CHN1: variants seen among roughly 807,000 people sequenced by gnomAD.
CHN1 encodes N-chimaerin.
CHN1 carries 37 observed loss-of-function variants against 59.5 expected under a neutral mutation model. The observed-to-expected ratio is 0.62, with a 90% CI of 0.48 to 0.82. The LOEUF (loss-of-function observed/expected upper bound fraction) is 0.82, where lower values mean the gene tolerates loss of function less well. CHN1 is among the 40% of genes least tolerant of loss of function. CHN1 has a pLI of 0.00. For synonymous variants in CHN1, 206 were observed against 200.4 expected, an observed-to-expected ratio of 1.03 and a Z score of -0.24; for missense variants, 469 against 571.0, an observed-to-expected ratio of 0.82 and a Z score of 1.82.
At chr2:174,868,173 A>G (rs1054484013) in intron 6 of CHN1, among the ~76,000 whole-genome samples, 9 of 152,338 alleles carry the variant, frequency 5.9e-5, no homozygotes, top group African/African-American at 2.2e-4. Flanking sequence ...TAGATATATC[A>G]ACATGATTTG....
At chr2:174,830,753 G>A (rs141756837) in intron 7 of CHN1, among the ~76,000 whole-genome samples, 7 of 152,180 alleles carry the variant, frequency 4.6e-5, no homozygotes, top group Non-Finnish European at 7.3e-5. Context: ...GGCACTAGGC[G>A]GCTGGGGAAG....
intron 5 of CHN1, among the ~76,000 whole-genome samples, chr2:174,910,756 C>T (rs189591047): frequency 3.9e-5 from 6 of 152,040 alleles, no homozygotes; most frequent in Admixed American, 3.3e-4. Flanking sequence ...CAAAATTAGC[C>T]GGGCGCAGTG....
intron 7 of CHN1, among the ~76,000 whole-genome samples, chr2:174,840,662 AG>A (rs1686268592): frequency 6.6e-6 from 1 of 152,214 alleles, no homozygotes; most frequent in Non-Finnish European, 1.5e-5. Flanking sequence ...AAACGGAGCT[AG>A]GAAAGCCTGG....
Position 174,898,669 on chromosome 2 carries a change from T to C in CHN1, c.260+16389A>G, listed in dbSNP as rs1688292011. Reference sequence around the variant, plus strand: ...TAGTCAAACCTAATTCCAGTTCTCATTCCCTACTGCAAAGATAGAATAATT... The same window carrying C: ...TAGTCAAACCTAATTCCAGTTCTCACTCCCTACTGCAAAGATAGAATAATT... On this transcript the variant is annotated intron_variant, in intron 5 of 12. Transcript: ENST00000409900. Among the ~76,000 whole-genome samples the C allele has an allele frequency of 1.3e-5, 2 of 152,152 alleles. 1 individual carries two copies. The highest frequency in any genetic ancestry group is 4.1e-4 in the South Asian group (2 of 4,828).
rs538020307 is a variant in CHN1, at chr2:174,840,689, G to T, written c.627+6191C>A. Among the ~76,000 whole-genome samples the T allele has an allele frequency of 1.5e-4, 23 of 152,218 alleles. No individual in the cohort carries two copies. In the South Asian group the frequency reaches 4.8e-3, roughly 32 times the overall value. ...GAAAGCCTGGAGAGTTTTATTTTAG[G>T]TTAGAGAATACTGTGGGCAAGATGT... On this transcript the variant is annotated intron_variant, in intron 7 of 12. Coordinates refer to ENST00000409900, the MANE Select transcript of CHN1 (RefSeq NM_001822.7).
At chr2:174,800,439 G>A (rs1237335103) in intron 12 of CHN1, among the ~76,000 whole-genome samples, 152 bp from the exon 13 acceptor site, 2 of 152,170 alleles carry the variant, frequency 1.3e-5, no homozygotes, top group Admixed American at 1.3e-4. Flanking sequence ...TCAAAGTACT[G>A]ACTTTCCTTA....
intron 1 of CHN1, among the ~76,000 whole-genome samples, chr2:174,972,643 A>G (rs1690795335): frequency 6.6e-6 from 1 of 152,180 alleles, no homozygotes; most frequent in Non-Finnish European, 1.5e-5. Flanking sequence ...TGGAGCAAAG[A>G]AAGTAAAGTG....
chr2:174,892,644 C>T (rs1427334279), intron 5 of CHN1, among the ~76,000 whole-genome samples: 1 of 152,096 alleles, frequency 6.6e-6, no homozygotes, highest in Non-Finnish European at 1.5e-5. Context: ...GATACCAAAG[C>T]CAGACAAAGA....
At chr2:174,983,278 T>C (rs1691220676) in intron 1 of CHN1, among the ~76,000 whole-genome samples, 1 of 152,206 alleles carries the variant, frequency 6.6e-6, no homozygotes, top group South Asian at 2.1e-4. Context: ...TGTTACACTT[T>C]TGTTTTAAAA....
chr2:174,829,941 G>T (rs1479180257), intron 7 of CHN1, among the ~76,000 whole-genome samples: 1 of 152,126 alleles, frequency 6.6e-6, no homozygotes, highest in Non-Finnish European at 1.5e-5. Context: ...CACCAAGATG[G>T]TCTTAAACTT....
At chr2:174,847,276 G>GGAGGAT in intron 6 of CHN1, 1 of 1,374,070 alleles carries the variant, frequency 7.3e-7, no homozygotes, top group Non-Finnish European at 9.4e-7. Flanking sequence ...AGGTGGAGGA[G>GGAGGAT]GAGGATGAAG....
chr2:174,891,587 A>G (rs1310497979), intron 5 of CHN1, among the ~76,000 whole-genome samples: 17 of 151,916 alleles, frequency 1.1e-4, no homozygotes, highest in Admixed American at 6.6e-5. Flanking sequence ...AAAAAGAAAA[A>G]AAAGAAAAGA....
intron 6 of CHN1, among the ~76,000 whole-genome samples, chr2:174,872,569 G>A (rs184557258): frequency 5.9e-5 from 9 of 152,238 alleles, no homozygotes; most frequent in East Asian, 5.8e-4. Flanking sequence ...GGCCTTAAAA[G>A]TCATTAGAGA....
At chr2:174,815,277 T>C in intron 8 of CHN1, among the ~76,000 whole-genome samples, 1 of 152,106 alleles carries the variant, frequency 6.6e-6, no homozygotes, top group Non-Finnish European at 1.5e-5. Context: ...CTCAGCGGGC[T>C]TGTGGTGGGA....
At chr2:174,829,727 A>T (rs1685807099) in intron 7 of CHN1, among the ~76,000 whole-genome samples, 1 of 152,208 alleles carries the variant, frequency 6.6e-6, no homozygotes. Flanking sequence ...TGGCAATGAC[A>T]TTTCAGCTGC....
intron 2 of CHN1, chr2:174,945,274 C>T (rs1270089863): frequency 2.6e-6 from 1 of 378,598 alleles, no homozygotes; most frequent in Admixed American, 3.3e-5. Flanking sequence ...ATGATATAAA[C>T]CAATAATGGT....
Position 174,799,847 on chromosome 2 carries a change from T to C in CHN1, c.*269A>G, listed in dbSNP as rs1158356941. 3 of 577,306 alleles carry C rather than the reference T, an allele frequency of 5.2e-6. No homozygotes were observed. The highest frequency in any genetic ancestry group is 3.0e-5 in the South Asian group (2 of 65,582). The allele number at this position is 577,306 out of a possible 1,614,324, so 35.8% of individuals were successfully genotyped here. ...TTTGTTGTTTCTTCTGTATGGGGTT[T>C]CCTTGCCAGATAGGGGGCTAATCAT... On this transcript the variant is annotated 3_prime_UTR_variant, in exon 13 of 13. Coordinates refer to ENST00000409900, the MANE Select transcript of CHN1 (RefSeq NM_001822.7).
intron 5 of CHN1, among the ~76,000 whole-genome samples, chr2:174,895,940 A>G (rs1688206462): frequency 6.6e-6 from 1 of 152,148 alleles, no homozygotes; most frequent in African/African-American, 2.4e-5. Context: ...CATTTCTGAT[A>G]AAAGAGGAAA....
intron 1 of CHN1, among the ~76,000 whole-genome samples, chr2:175,003,948 T>C (rs558884492): frequency 7.2e-5 from 11 of 152,364 alleles, no homozygotes; most frequent in African/African-American, 2.6e-4. Context: ...GTAACACCTC[T>C]AACGTGTTTG....
Sources: gnomAD v4.1 joint callset for allele counts (sites outside exome capture counted in the v4.1 genomes callset) on GRCh38, gnomAD v4.1.1 for gene constraint, MANE v1.5 for transcripts, NCBI Gene and HGNC (gene_info 2026-07-23, HGNC 2026-07-21) for gene names.